SF3A3: variants seen among roughly 807,000 people sequenced by gnomAD.
The protein encoded by SF3A3 is splicing factor 3a subunit 3.
Under a neutral mutation model 85.8 loss-of-function variants are expected in SF3A3, and 9 were observed. The ratio of observed to expected loss-of-function variants is 0.10; its 90% CI spans 0.06 to 0.18. The LOEUF is 0.18. Among genes scored for constraint, SF3A3 ranks in the 10% least tolerant of loss-of-function variants. The pLI is 1.00. For missense variants in SF3A3, 306 were observed against 593.3 expected, an observed-to-expected ratio of 0.52 and a Z score of 5.03; for synonymous variants, 195 against 204.4, an observed-to-expected ratio of 0.95 and a Z score of 0.39.
intron 4 of SF3A3, among the ~76,000 whole-genome samples, chr1:37,985,151 G>C (rs1397039436): frequency 1.3e-5 from 2 of 152,204 alleles, no homozygotes; most frequent in Non-Finnish European, 2.9e-5. Flanking sequence ...TCACAGAAAT[G>C]AAATACACAG....
intron 4 of SF3A3, 27 bp from the exon 5 acceptor site, chr1:37,984,806 G>A (rs774816735): frequency 6.3e-7 from 1 of 1,593,700 alleles, no homozygotes; most frequent in South Asian, 1.1e-5. Flanking sequence ...AAGCTCAGGT[G>A]GATTTTTCTT....
At chr1:37,982,413 C>T (rs1012552435) in intron 6 of SF3A3, among the ~76,000 whole-genome samples, 5 of 151,780 alleles carry the variant, frequency 3.3e-5, no homozygotes, top group African/African-American at 1.2e-4. Context: ...TCTTGTTGCC[C>T]AGGCTGGAGT....
In SF3A3 at chr1:37,960,108, A is replaced by T; in HGVS notation, c.1428+12T>A. 6.2e-7 allele frequency: 1 copy of T among 1,612,706 alleles called. No individual in the cohort carries two copies. Among genetic ancestry groups the T allele is most frequent in the Non-Finnish European group, 8.5e-7 (1 of 1,178,948 alleles). On this transcript the variant is annotated intron_variant, in intron 16 of 16. Transcript: ENST00000373019. The stretch of plus-strand genomic sequence containing the variant: ...TGACACTATCCCTAACACCATCCAC[A>T]TTAGTACCCACCTCAGTGTCAGGCT...
intron 12 of SF3A3, among the ~76,000 whole-genome samples, chr1:37,971,269 A>G (rs1015443441): frequency 6.6e-6 from 1 of 152,196 alleles, no homozygotes; most frequent in African/African-American, 2.4e-5. Context: ...AAATGGATAA[A>G]TTCCTGGACA....
At chr1:37,988,251 T>C (rs1004211103) in intron 2 of SF3A3, among the ~76,000 whole-genome samples, 7 of 152,228 alleles carry the variant, frequency 4.6e-5, no homozygotes, top group African/African-American at 1.7e-4. Context: ...GCAGGCTAAA[T>C]AAACATTACA....
intron 16 of SF3A3, among the ~76,000 whole-genome samples, chr1:37,959,636 T>C (rs1646243352): frequency 6.6e-6 from 1 of 152,080 alleles, no homozygotes; most frequent in Non-Finnish European, 1.5e-5. Flanking sequence ...TGGAGTGCAG[T>C]GGCACAATCT....
chr1:37,976,759 C>A, intron 12 of SF3A3, 125 bp downstream of exon 12: 2 of 689,440 alleles, frequency 2.9e-6, no homozygotes, highest in Admixed American at 2.3e-5. Flanking sequence ...CTATTTTGTG[C>A]CATACTAGTT....
At chr1:37,972,714 T>C (rs891309099) in intron 12 of SF3A3, among the ~76,000 whole-genome samples, 2 of 152,168 alleles carry the variant, frequency 1.3e-5, no homozygotes, top group African/African-American at 4.8e-5. Flanking sequence ...TTGGAAATAG[T>C]ATGACACATC....
At chr1:37,976,149 C>G (rs970309466) in intron 12 of SF3A3, among the ~76,000 whole-genome samples, 5 of 37,036 alleles carry the variant, frequency 1.4e-4, no homozygotes, top group South Asian at 1.4e-3. Flanking sequence ...GAGCAAGACT[C>G]TGTCTCAAAA....
rs1438059400 is a variant in SF3A3 at position 37,977,013 on chromosome 1, T to C, written c.936-60A>G. 2.6e-6 allele frequency: 3 copies of C among 1,162,164 alleles called. No individual in the cohort carries two copies. The African/African-American group carries it at 4.6e-5, about 18-fold the overall frequency. 72.0% of individuals were successfully genotyped at this position (1,162,164 alleles called of 1,614,324 possible). ...TTCTCTCATCCATTGTTTTGTTCCC[T>C]ATATCTGGGAACATTTATTGCACAA... On this transcript the variant is annotated intron_variant, in intron 11 of 16. Coordinates refer to ENST00000373019, the MANE Select transcript of SF3A3 (RefSeq NM_006802.4).
chr1:37,979,466 T>C lies in SF3A3; in HGVS notation c.758A>G (p.Glu253Gly). The change falls in exon 9 of 17, where the codon GAG (glutamate) becomes GGG (glycine). Residue 253 changes from glutamate to glycine, a missense_variant and splice_region_variant. By Grantham distance (98) the Glu-to-Gly change is moderately conservative. Coordinates refer to ENST00000373019, the MANE Select transcript of SF3A3 (RefSeq NM_006802.4). Reference sequence around the variant, plus strand: ...CTACTACTGCTGAAGGAAACATACCTCCCAGGAGGAGAATGCAGAGAGGTC... The same window carrying C: ...CTACTACTGCTGAAGGAAACATACCCCCCAGGAGGAGAATGCAGAGAGGTC... ...HLDLSAFSSW[E>G]ELASLGLDRL... 6.2e-7 allele frequency: 1 copy of C among 1,610,008 alleles called. No individual in the cohort carries two copies. The highest frequency in any genetic ancestry group is 8.5e-7 in the Non-Finnish European group (1 of 1,176,578).
chr1:37,987,459 T>C (rs1366460875), intron 4 of SF3A3, 114 bp downstream of exon 4: 3 of 750,976 alleles, frequency 4.0e-6, no homozygotes, highest in South Asian at 1.7e-5. Context: ...TGCAGCTAAA[T>C]GGCAAGTTCT....
chr1:37,965,855 C>T (rs1646296194), intron 15 of SF3A3, among the ~76,000 whole-genome samples: 1 of 152,110 alleles, frequency 6.6e-6, no homozygotes, highest in Non-Finnish European at 1.5e-5. Context: ...AAATACCTTA[C>T]TTCTGTCTAA....
chr1:37,978,376 G>C (rs1183330067), intron 11 of SF3A3, among the ~76,000 whole-genome samples: 2 of 151,348 alleles, frequency 1.3e-5, no homozygotes, highest in African/African-American at 2.4e-5. Context: ...CCTTGTATAA[G>C]TATGTAGCTC....
Position 37,984,739 on chromosome 1 carries a change from T to C in SF3A3, c.344A>G (p.Lys115Arg). 1 of 1,613,946 alleles carries C rather than the reference T, an allele frequency of 6.2e-7. No individual in the cohort carries two copies. Among genetic ancestry groups the C allele is most frequent in the Non-Finnish European group, 8.5e-7 (1 of 1,179,786 alleles). Residue 115 changes from lysine to arginine, a missense_variant, in exon 5 of 17, where the codon AAG (lysine) becomes AGG (arginine). This residue lies in a region of SF3A3 where 152 missense variants were observed against 192.0 expected (regional missense o/e 0.79). Coordinates refer to ENST00000373019, the MANE Select transcript of SF3A3 (RefSeq NM_006802.4). ...PMSVEFEELL[K>R]ARENPSEEAQ... Reference sequence around the variant, plus strand: ...CTCTTCACTTGGATTCTCTCGAGCCTTCAGGAGTTCCTCAAATTCCACTGA... The same window carrying C: ...CTCTTCACTTGGATTCTCTCGAGCCCTCAGGAGTTCCTCAAATTCCACTGA...
chr1:37,975,488 C>T (rs1047869208), intron 12 of SF3A3, among the ~76,000 whole-genome samples: 4 of 151,156 alleles, frequency 2.6e-5, no homozygotes, highest in Non-Finnish European at 2.9e-5. Context: ...TGCACTCCAG[C>T]CTGGGTGACA....
chr1:37,967,262 G>A (rs1646308394), intron 15 of SF3A3, among the ~76,000 whole-genome samples: 1 of 137,782 alleles, frequency 7.3e-6, no homozygotes, highest in African/African-American at 2.7e-5. Context: ...CAGAAACAAA[G>A]GCTGGGCATG....
Position 37,969,721 on chromosome 1 carries a change from G to A in SF3A3, c.1020C>T (p.Leu340=). 1.2e-6 allele frequency: 2 copies of A among 1,614,108 alleles called. No homozygotes were observed. The highest frequency in any genetic ancestry group is 1.7e-6 in the Non-Finnish European group (2 of 1,180,002). The part of the protein sequence containing the change: ...YVEILGEQRH[L]THENVQRKQA... Reference sequence around the variant, plus strand: ...GCTTGCGCTGTACATTTTCATGAGTGAGATGTCGCTGTTCCTAAAGCAGGT... The same window carrying A: ...GCTTGCGCTGTACATTTTCATGAGTAAGATGTCGCTGTTCCTAAAGCAGGT... The change falls in exon 13 of 17, where the codon CTC becomes CTT. Residue 340 remains leucine (L), a synonymous_variant. Transcript: ENST00000373019.
At chr1:37,986,552 C>T (rs1490830550) in intron 4 of SF3A3, among the ~76,000 whole-genome samples, 1 of 152,006 alleles carries the variant, frequency 6.6e-6, no homozygotes, top group Non-Finnish European at 1.5e-5. Context: ...TGGCTCATGC[C>T]TGTAATCCCA....
Sources: gnomAD v4.1 joint callset for allele counts (sites outside exome capture counted in the v4.1 genomes callset) on GRCh38, gnomAD v4.1.1 for gene constraint, gnomAD v4.1.1 regional missense constraint, MANE v1.5 for transcripts, NCBI Gene and HGNC (gene_info 2026-07-23, HGNC 2026-07-21) for gene names.